TTC6: variants seen among roughly 807,000 people sequenced by gnomAD.
The protein encoded by TTC6 is tetratricopeptide repeat domain 6.
In TTC6, 172 loss-of-function variants were observed where a neutral mutation model predicts 210.4. The ratio of observed to expected loss-of-function variants is 0.82; its 90% CI spans 0.72 to 0.93. TTC6 has a LOEUF of 0.93. Among genes scored for constraint, TTC6 ranks in the 40% least tolerant of loss-of-function variants. The probability of loss-of-function intolerance (pLI) is 0.00; values close to 1 mark genes in which losing one functional copy is unlikely to be tolerated. For synonymous variants in TTC6, 804 were observed against 819.6 expected, an observed-to-expected ratio of 0.98 and a Z score of 0.32; for missense variants, 2,414 against 2,318.1, an observed-to-expected ratio of 1.04 and a Z score of -0.85.
intron 3 of TTC6, among the ~76,000 whole-genome samples, chr14:37,690,560 G>A (rs943361690): frequency 9.9e-5 from 15 of 152,076 alleles, no homozygotes; most frequent in Non-Finnish European, 1.9e-4. Context: ...ATGGAAACCA[G>A]AAAAGAGCAG....
intron 6 of TTC6, among the ~76,000 whole-genome samples, chr14:37,720,928 T>A (rs375617666): frequency 1.4e-4 from 21 of 152,270 alleles, no homozygotes; most frequent in African/African-American, 4.6e-4. Context: ...ACATGTTGTT[T>A]ATGATATGGT....
Position 37,605,798 on chromosome 14 carries a change from T to G in TTC6, c.-234-865T>G, listed in dbSNP as rs1415718274. Among the ~76,000 whole-genome samples, 6 of 152,146 alleles carry G rather than the reference T, an allele frequency of 3.9e-5. No individual in the cohort carries two copies. In the East Asian group the frequency reaches 9.6e-4, roughly 24 times the overall value. ...CATCAGCTACTACCTCCAAGAAAAA[T>G]AAATCCTTAATTCCTGGCCAAGTAC... On this transcript the variant is annotated intron_variant, in intron 1 of 2. Coordinates refer to the TTC6 transcript ENST00000556845.
chr14:37,802,945 C>T (rs994046550), intron 20 of TTC6, among the ~76,000 whole-genome samples: 3 of 152,134 alleles, frequency 2.0e-5, no homozygotes, highest in Admixed American at 2.0e-4. Context: ...GTTGGCCAGG[C>T]TGGTCTTGAA....
At chr14:37,639,916 G>GATATATCT (rs146831238) in intron 1 of TTC6, among the ~76,000 whole-genome samples, 7,666 of 145,494 alleles carry the variant, frequency 0.053, 262 homozygotes, top group East Asian at 0.18. Flanking sequence ...AGAAAAATAA[G>GATATATCT]ATATATCTAT....
chr14:37,812,375 C>A, exon 25 of TTC6: 1 of 1,613,338 alleles, frequency 6.2e-7, no homozygotes, highest in Non-Finnish European at 8.5e-7. Context: ...AAACTAAATA[C>A]CTTCCTTAAT....
At chr14:37,799,253 A>G (rs17107116) in intron 20 of TTC6, among the ~76,000 whole-genome samples, 2,848 of 152,270 alleles carry the variant, frequency 0.019, 89 homozygotes, top group African/African-American at 0.059. Context: ...TTCCATAAGC[A>G]TTTAATCATG....
intron 1 of TTC6, among the ~76,000 whole-genome samples, chr14:37,625,853 T>G (rs2095659403): frequency 6.6e-6 from 1 of 152,178 alleles, no homozygotes. Context: ...CATAGTTACC[T>G]GGGCCTGGAG....
At chr14:37,639,273 G>T (rs149259593) in intron 1 of TTC6, among the ~76,000 whole-genome samples, 1 of 152,288 alleles carries the variant, frequency 6.6e-6, no homozygotes, top group East Asian at 1.9e-4. Flanking sequence ...GCAGAGAAAA[G>T]CAATCTGTGT....
chr14:37,661,598 T>A (rs767678030), intron 1 of TTC6, among the ~76,000 whole-genome samples: 19 of 152,172 alleles, frequency 1.2e-4, no homozygotes, highest in Non-Finnish European at 2.2e-4. Context: ...TGAAGTCTGG[T>A]AGCAAGATGC....
intron 17 of TTC6, among the ~76,000 whole-genome samples, chr14:37,794,833 C>T (rs2096088709): frequency 6.6e-6 from 1 of 151,984 alleles, no homozygotes; most frequent in African/African-American, 2.4e-5. Flanking sequence ...AAGCGATTCT[C>T]CTATCTCAGC....
chr14:37,650,243 G>GAT (rs2095708820), intron 1 of TTC6, among the ~76,000 whole-genome samples: 2 of 152,324 alleles, frequency 1.3e-5, no homozygotes, highest in South Asian at 4.1e-4. Context: ...GCTCTACTGT[G>GAT]ATATAGTGAT....
intron 23 of TTC6, among the ~76,000 whole-genome samples, chr14:37,808,111 A>G (rs12897031): frequency 0.26 from 40,240 of 152,062 alleles, 6,312 homozygotes; most frequent in South Asian, 0.42. Flanking sequence ...GGCACCATTG[A>G]TATGTGATAC....
At chr14:37,752,962 C>G in intron 13 of TTC6, 137 bp from the exon 16 acceptor site, 8 of 548,018 alleles carry the variant, frequency 1.5e-5, no homozygotes, top group Non-Finnish European at 2.3e-5. Flanking sequence ...AGCTACAACT[C>G]TGAAAATTTT....
chr14:37,795,545 TC>T (rs2096090727), intron 18 of TTC6, among the ~76,000 whole-genome samples, 193 bp downstream of exon 20: 1 of 152,182 alleles, frequency 6.6e-6, no homozygotes, highest in African/African-American at 2.4e-5. Context: ...ACCAGATTTT[TC>T]CCTTTGCTCT....
intron 25 of TTC6, among the ~76,000 whole-genome samples, chr14:37,814,640 A>G (rs991695913): frequency 3.9e-5 from 6 of 152,222 alleles, no homozygotes; most frequent in African/African-American, 1.2e-4. Context: ...TTGGCAACCA[A>G]AAACACATTT....
chr14:37,735,630 A>AGATC (rs771008497), intron 7 of TTC6, among the ~76,000 whole-genome samples: 2 of 152,196 alleles, frequency 1.3e-5, no homozygotes, highest in Non-Finnish European at 2.9e-5. Context: ...TTAACCTATG[A>AGATC]GATCATAGGA....
chr14:37,665,978 C>A (rs184276448), intron 1 of TTC6, among the ~76,000 whole-genome samples: 52 of 150,650 alleles, frequency 3.5e-4, no homozygotes, highest in African/African-American at 1.2e-3. Flanking sequence ...ACAGAGTTTA[C>A]CCTATGGGAG....
intron 16 of TTC6, among the ~76,000 whole-genome samples, chr14:37,791,860 C>T (rs2096080365): frequency 6.6e-6 from 1 of 152,054 alleles, no homozygotes; most frequent in Admixed American, 6.6e-5. Context: ...ATTTTAACCC[C>T]AAGCCACCAA....
intron 1 of TTC6, among the ~76,000 whole-genome samples, chr14:37,639,362 T>C (rs1188238437): frequency 6.6e-6 from 1 of 152,178 alleles, no homozygotes; most frequent in Admixed American, 6.5e-5. Context: ...ACACTTTTAT[T>C]ACACTTTTCT....
Sources: allele counts gnomAD v4.1 joint callset (sites outside exome capture counted in the v4.1 genomes callset), GRCh38; gene constraint gnomAD v4.1.1; transcripts MANE v1.5; gene names NCBI Gene and HGNC (gene_info 2026-07-23, HGNC 2026-07-21).